Variants in ABCC6 observed in about 807,000 individuals in gnomAD.
The protein encoded by ABCC6 is ATP-binding cassette sub-family C member 6.
A neutral mutation model predicts 169.5 loss-of-function variants in ABCC6; 126 were observed. The observed-to-expected ratio is 0.74, with a 90% CI of 0.64 to 0.86. The LOEUF (loss-of-function observed/expected upper bound fraction) is 0.86. ABCC6 is among the 40% of genes least tolerant of loss of function. ABCC6 has a pLI of 0.00. For synonymous variants in ABCC6, 752 were observed against 814.7 expected (o/e 0.92, Z 1.31); for missense variants, 1,733 against 1,927.2 (o/e 0.90, Z 1.89).
rs58530708 is a variant in ABCC6, at chr16:16,150,806, C to T, written c.4209-34G>A. On this transcript the variant is annotated intron_variant, in intron 29 of 30. Transcript: ENST00000205557. Reference sequence around the variant, plus strand: ...GATTGGGACAATTAGCTGGGACGTGCGTTTGTCGGCACATGGTGATGTGTG... The same window carrying T: ...GATTGGGACAATTAGCTGGGACGTGTGTTTGTCGGCACATGGTGATGTGTG... 2,554 of 1,606,080 alleles carry T rather than the reference C, an allele frequency of 1.6e-3. 34 individuals carry two copies. The African/African-American group carries it at 0.029, about 18-fold the overall frequency.
intron 12 of ABCC6, among the ~76,000 whole-genome samples, chr16:16,189,885 A>AC (rs2047784242): frequency 2.0e-5 from 3 of 151,286 alleles, no homozygotes; most frequent in Admixed American, 6.6e-5. Flanking sequence ...TACCTCTGCC[A>AC]CCCCCCTGCA....
At chr16:16,189,972 A>G (rs1377936384) in intron 12 of ABCC6, among the ~76,000 whole-genome samples, 192 bp downstream of exon 12, 1 of 152,108 alleles carries the variant, frequency 6.6e-6, no homozygotes, top group Admixed American at 6.5e-5. Context: ...AGCCACTGCC[A>G]CCTTTGCTAG....
Position 16,150,089 on chromosome 16 carries a change from G to A in ABCC6, c.*44C>T, listed in dbSNP as rs771739894. The A allele has an allele frequency of 3.1e-6, 5 of 1,609,652 alleles. No individual in the cohort carries two copies. The African/African-American group carries it at 5.3e-5, about 17-fold the overall frequency. ...GTCACTTCCATCTCCAGCACTGCAGGCTGTGCGGGCTGGTCCAACTGGGGT... is the reference window on the plus strand; with the variant it reads ...GTCACTTCCATCTCCAGCACTGCAGACTGTGCGGGCTGGTCCAACTGGGGT... On this transcript the variant is annotated 3_prime_UTR_variant, in exon 31 of 31. Coordinates refer to ENST00000205557, the MANE Select transcript of ABCC6 (RefSeq NM_001171.6).
chr16:16,213,560 T>C (rs1397699609), intron 5 of ABCC6, among the ~76,000 whole-genome samples: 4 of 1,006 alleles, frequency 4.0e-3, no homozygotes, highest in Non-Finnish European at 0.016. Flanking sequence ...TTTTCCTTCT[T>C]TTTTTTTTTT....
chr16:16,215,898 A>AT (rs1252423761), intron 4 of ABCC6, among the ~76,000 whole-genome samples: 1 of 152,178 alleles, frequency 6.6e-6, no homozygotes, highest in Non-Finnish European at 1.5e-5. Context: ...CAAATGATCC[A>AT]TTCTACTCTT....
rs755947755 is a variant in ABCC6, at chr16:16,159,598, C to T, written c.3634-15G>A. On this transcript the variant is annotated splice_polypyrimidine_tract_variant and intron_variant, in intron 25 of 30. Coordinates refer to ENST00000205557, the MANE Select transcript of ABCC6 (RefSeq NM_001171.6). ...GTCTGGGTCACCTGGTGCAAGAAAG[C>T]CTCTCTGGCTGGGTTTGGCAAGGCC... The T allele has an allele frequency of 1.9e-6, 3 of 1,613,552 alleles. No homozygotes were observed. The African/African-American group carries it at 4.0e-5, about 22-fold the overall frequency.
intron 21 of ABCC6, among the ~76,000 whole-genome samples, chr16:16,170,755 C>T (rs1381984052): frequency 6.6e-6 from 1 of 151,510 alleles, no homozygotes; most frequent in African/African-American, 2.4e-5. Context: ...CCCGTCTCTA[C>T]TAAAAATACA....
chr16:16,209,518 G>A (rs577477610), intron 6 of ABCC6, among the ~76,000 whole-genome samples: 1 of 152,214 alleles, frequency 6.6e-6, no homozygotes, highest in Non-Finnish European at 1.5e-5. Context: ...AAGGGAAACA[G>A]ACATTTCCCT....
rs764251624 is a variant in ABCC6 at position 16,198,059 on chromosome 16, G to C, written c.1300C>G (p.Leu434Val). ...ACGAAGCAGACCACGATCCAGACGAGAGGCAGCCACAGCCCGTTGAGGTAG... is the reference window on the plus strand; with the variant it reads ...ACGAAGCAGACCACGATCCAGACGACAGGCAGCCACAGCCCGTTGAGGTAG... The part of the protein sequence containing the change: ...VLYLNGLWLP[L>V]VWIVVCFVYL... The change falls in exon 10 of 31, where the codon CTC (leucine) becomes GTC (valine). Residue 434 changes from leucine to valine, a missense_variant. Leu to Val is a conservative substitution (Grantham distance 32, BLOSUM62 1). This residue lies in a region of ABCC6 where 1,601 missense variants were observed against 1,635.5 expected (regional missense o/e 0.98). Coordinates refer to ENST00000205557, the MANE Select transcript of ABCC6 (RefSeq NM_001171.6). 7 of 1,613,954 alleles carry C rather than the reference G, an allele frequency of 4.3e-6. No homozygotes were observed. The highest frequency in any genetic ancestry group is 5.9e-6 in the Non-Finnish European group (7 of 1,180,032).
chr16:16,218,148 C>T (rs1408454522), intron 4 of ABCC6, among the ~76,000 whole-genome samples: 1 of 149,328 alleles, frequency 6.7e-6, no homozygotes, highest in East Asian at 2.0e-4. Flanking sequence ...GCTTCTCTAC[C>T]TTCTCCTTTA....
intron 7 of ABCC6, among the ~76,000 whole-genome samples, chr16:16,208,342 T>G (rs944163759): frequency 6.6e-6 from 1 of 151,372 alleles, no homozygotes; most frequent in African/African-American, 2.4e-5. Context: ...ATGATGAGGT[T>G]TTTTTGTTTT....
chr16:16,219,337 G>A (rs2048997018), intron 4 of ABCC6, among the ~76,000 whole-genome samples: 2 of 152,198 alleles, frequency 1.3e-5, no homozygotes, highest in African/African-American at 4.8e-5. Context: ...TGTGATGTGG[G>A]CCTGTAAGAC....
chr16:16,155,416 CCA>C, intron 27 of ABCC6: 1 of 246,898 alleles, frequency 4.1e-6, no homozygotes, highest in East Asian at 9.0e-5. Flanking sequence ...ATCCTGCCAT[CCA>C]TCCATCCATC....
In ABCC6 at chr16:16,214,449, C is replaced by G; in HGVS notation, c.475G>C (p.Gly159Arg). The change falls in exon 5 of 31, where the codon GGC becomes CGC. Residue 159 changes from glycine (G) to arginine (R), a missense_variant and splice_region_variant. Physicochemically the swap from Gly to Arg is moderately radical, Grantham distance 125. This residue lies in a region of ABCC6 where 49 missense variants were observed against 85.8 expected (regional missense o/e 0.57). Transcript: ENST00000205557. The part of the protein sequence containing the change: ...TNAAQQASGA[G>R]FQSDPVRHLS... Reference sequence around the variant, plus strand: ...TGGCGGACAGGGTCGCTCTGGAAGCCCTGTGGGAGGGAAAGCAGAAGATAA... The same window carrying G: ...TGGCGGACAGGGTCGCTCTGGAAGCGCTGTGGGAGGGAAAGCAGAAGATAA... 1 of 1,551,522 alleles carries G rather than the reference C, an allele frequency of 6.4e-7. No homozygotes were observed. Among genetic ancestry groups the G allele is most frequent in the Non-Finnish European group, 8.7e-7 (1 of 1,146,976 alleles).
intron 29 of ABCC6, among the ~76,000 whole-genome samples, chr16:16,151,803 G>T (rs1306200526): frequency 1.3e-5 from 2 of 152,180 alleles, no homozygotes; most frequent in Non-Finnish European, 2.9e-5. Flanking sequence ...CTCAAGGCTA[G>T]TGGTGGGTCC....
chr16:16,210,540 C>A (rs2048571765), intron 6 of ABCC6, among the ~76,000 whole-genome samples: 1 of 152,192 alleles, frequency 6.6e-6, no homozygotes, highest in African/African-American at 2.4e-5. Flanking sequence ...TTTTGGAGTT[C>A]TCCTATATGG....
chr16:16,187,464 A>G (rs2047686324), intron 13 of ABCC6, among the ~76,000 whole-genome samples: 1 of 152,234 alleles, frequency 6.6e-6, no homozygotes. Flanking sequence ...TCTGCAGACA[A>G]GATCTGGGAA....
chr16:16,195,219 G>A (rs1356651139), intron 10 of ABCC6, among the ~76,000 whole-genome samples: 2 of 151,412 alleles, frequency 1.3e-5, no homozygotes, highest in African/African-American at 4.9e-5. Context: ...GGTGATGTTA[G>A]GAACTGTCTA....
At position 16,149,898 on chromosome 16, in the gene ABCC6, C is replaced by A; in HGVS notation, c.*235G>T. On this transcript the variant is annotated 3_prime_UTR_variant, in exon 31 of 31. Coordinates refer to ENST00000205557, the MANE Select transcript of ABCC6 (RefSeq NM_001171.6). Reference sequence around the variant, plus strand: ...TGAGAGTCGCTGTTGACATTGGCTGCAGGGTGGACAGGGCGAGATGGGCCC... The same window carrying A: ...TGAGAGTCGCTGTTGACATTGGCTGAAGGGTGGACAGGGCGAGATGGGCCC... The A allele has an allele frequency of 1.6e-6, 1 of 620,120 alleles. No individual in the cohort carries two copies. The allele number at this position is 620,120 out of a possible 1,614,324, so 38.4% of individuals were successfully genotyped here.
Sources: allele counts gnomAD v4.1 joint callset (sites outside exome capture counted in the v4.1 genomes callset), GRCh38; gene constraint gnomAD v4.1.1; regional missense constraint gnomAD v4.1.1; transcripts MANE v1.5; gene names NCBI Gene and HGNC (gene_info 2026-07-23, HGNC 2026-07-21).